Variants in ADAMTS12 observed in about 807,000 individuals in gnomAD.
The protein encoded by ADAMTS12 is ADAM metallopeptidase with thrombospondin type 1 motif 12, also known as A disintegrin and metalloproteinase with thrombospondin motifs 12.
ADAMTS12 carries 118 observed loss-of-function variants against 167.8 expected under a neutral mutation model. The observed-to-expected ratio is 0.70, with a 90% CI of 0.61 to 0.82. ADAMTS12 has a LOEUF of 0.82. ADAMTS12 is among the 40% of genes least tolerant of loss of function. The pLI is 0.00. For missense variants in ADAMTS12, 1,916 were observed against 1,998.8 expected (o/e 0.96, Z 0.79); for synonymous variants, 704 against 716.9 (o/e 0.98, Z 0.29).
At chr5:33,854,397 G>C (rs1462830076) in intron 2 of ADAMTS12, among the ~76,000 whole-genome samples, 1 of 151,836 alleles carries the variant, frequency 6.6e-6, no homozygotes, top group Admixed American at 6.6e-5. Context: ...GTCTCCAGAA[G>C]AGATAAACAC....
intron 2 of ADAMTS12, among the ~76,000 whole-genome samples, chr5:33,874,247 A>T (rs1432304207): frequency 1.3e-5 from 2 of 152,246 alleles, no homozygotes; most frequent in East Asian, 3.8e-4. Flanking sequence ...TAGCAACCTG[A>T]TTAAAAACTA....
chr5:33,698,797 G>T (rs1479524830), intron 3 of ADAMTS12, among the ~76,000 whole-genome samples: 2 of 152,136 alleles, frequency 1.3e-5, no homozygotes, highest in African/African-American at 4.8e-5. Flanking sequence ...AATTAGCCAG[G>T]TGTGGTGGTG....
intron 5 of ADAMTS12, among the ~76,000 whole-genome samples, chr5:33,664,608 C>T (rs1741401933): frequency 6.6e-6 from 1 of 152,156 alleles, no homozygotes; most frequent in Non-Finnish European, 1.5e-5. Flanking sequence ...ATGATATCGT[C>T]TCATACCTGT....
At chr5:33,659,189 A>G (rs1741168224) in intron 6 of ADAMTS12, among the ~76,000 whole-genome samples, 1 of 152,148 alleles carries the variant, frequency 6.6e-6, no homozygotes, top group African/African-American at 2.4e-5. Context: ...AAAGATCCAG[A>G]CTTTGAGAAC....
At chr5:33,856,279 C>T (rs1749399264) in intron 2 of ADAMTS12, among the ~76,000 whole-genome samples, 1 of 152,178 alleles carries the variant, frequency 6.6e-6, no homozygotes, top group Non-Finnish European at 1.5e-5. Context: ...GACTAAATAA[C>T]TCAGGCTTTG....
rs549780219 is a variant in ADAMTS12, at chr5:33,562,090, T to G, written c.3973-911A>C. On this transcript the variant is annotated intron_variant, in intron 19 of 23. Coordinates refer to ENST00000504830, the MANE Select transcript of ADAMTS12 (RefSeq NM_030955.4). ...TGCTCCTCAAACTTTAGGGACCATA[T>G]GAATCACCTGGGGACCTTGCTAAAT... is the stretch of plus-strand genomic sequence containing the variant. Among the ~76,000 whole-genome samples, 4 of 152,324 alleles carry G rather than the reference T, an allele frequency of 2.6e-5. 1 individual carries two copies. Among genetic ancestry groups the G allele is most frequent in the South Asian group, 2.1e-4 (1 of 4,822 alleles).
chr5:33,559,763 C>G (rs943322440), intron 20 of ADAMTS12, among the ~76,000 whole-genome samples: 2 of 152,036 alleles, frequency 1.3e-5, no homozygotes, highest in African/African-American at 4.8e-5. Context: ...TGCCTGTAAT[C>G]CCAGCTACCC....
At chr5:33,883,299 TTTTG>T (rs535219444) in intron 1 of ADAMTS12, among the ~76,000 whole-genome samples, 2 of 151,734 alleles carry the variant, frequency 1.3e-5, no homozygotes, top group African/African-American at 4.8e-5. Flanking sequence ...AAAAGAGTTT[TTTTG>T]TTTGTTTGTT....
intron 2 of ADAMTS12, among the ~76,000 whole-genome samples, chr5:33,841,825 G>C (rs1748755603): frequency 6.6e-6 from 1 of 152,224 alleles, no homozygotes. Context: ...GTCCAGAGTA[G>C]GGTAGGGTAT....
chr5:33,848,028 C>A (rs2591736), intron 2 of ADAMTS12, among the ~76,000 whole-genome samples: 11,034 of 151,936 alleles, frequency 0.073, 974 homozygotes, highest in East Asian at 0.2. Context: ...CAGCCTGGCC[C>A]ATATGGTGAA....
intron 18 of ADAMTS12, among the ~76,000 whole-genome samples, chr5:33,585,204 G>A (rs1005737258): frequency 6.6e-6 from 1 of 152,092 alleles, no homozygotes. Context: ...GGTACCAGGG[G>A]TGTCTCTTGA....
At chr5:33,851,214 C>T (rs1255246770) in intron 2 of ADAMTS12, among the ~76,000 whole-genome samples, 2 of 152,132 alleles carry the variant, frequency 1.3e-5, no homozygotes, top group African/African-American at 4.8e-5. Flanking sequence ...AGATCGAGAT[C>T]ATTCTGGCTA....
At chr5:33,725,023 G>C (rs1743931278) in intron 3 of ADAMTS12, among the ~76,000 whole-genome samples, 1 of 151,948 alleles carries the variant, frequency 6.6e-6, no homozygotes, top group South Asian at 2.1e-4. Context: ...CCTTCCCCCT[G>C]CCTTCCCCAT....
chr5:33,543,207 A>C (rs1744795078), intron 22 of ADAMTS12, among the ~76,000 whole-genome samples: 1 of 152,216 alleles, frequency 6.6e-6, no homozygotes, highest in Non-Finnish European at 1.5e-5. Flanking sequence ...CAGAAATACA[A>C]ACTACCATCA....
At chr5:33,655,519 G>A (rs1741020532) in intron 7 of ADAMTS12, among the ~76,000 whole-genome samples, 1 of 151,506 alleles carries the variant, frequency 6.6e-6, no homozygotes, top group Non-Finnish European at 1.5e-5. Flanking sequence ...TACCTTCCCT[G>A]TTCTGTTTTA....
At chr5:33,540,040 T>C (rs1744612061) in intron 22 of ADAMTS12, among the ~76,000 whole-genome samples, 1 of 152,214 alleles carries the variant, frequency 6.6e-6, no homozygotes, top group South Asian at 2.1e-4. Flanking sequence ...GTTGGGGGAT[T>C]GCCCTTTCCT....
At chr5:33,800,036 A>C (rs1036610007) in intron 2 of ADAMTS12, among the ~76,000 whole-genome samples, 4 of 152,204 alleles carry the variant, frequency 2.6e-5, no homozygotes, top group African/African-American at 9.7e-5. Context: ...CAGGCAACAC[A>C]GGCTGTGCTA....
chr5:33,539,048 C>T (rs1292977382), intron 22 of ADAMTS12, among the ~76,000 whole-genome samples: 1 of 152,046 alleles, frequency 6.6e-6, no homozygotes, highest in African/African-American at 2.4e-5. Context: ...TTCAAGTGAT[C>T]CTCCTGCCTC....
At chr5:33,791,134 A>T (rs962633686) in intron 2 of ADAMTS12, among the ~76,000 whole-genome samples, 11 of 152,136 alleles carry the variant, frequency 7.2e-5, no homozygotes, top group Non-Finnish European at 1.6e-4. Flanking sequence ...GGTCACAGCT[A>T]CTCACATGCA....
Sources: allele counts gnomAD v4.1 joint callset (sites outside exome capture counted in the v4.1 genomes callset), GRCh38; gene constraint gnomAD v4.1.1; transcripts MANE v1.5; gene names NCBI Gene and HGNC (gene_info 2026-07-23, HGNC 2026-07-21).